Variants in UBASH3B observed in about 807,000 individuals in gnomAD.
The protein encoded by UBASH3B is ubiquitin-associated and SH3 domain-containing protein B.
Under a neutral mutation model 83.4 loss-of-function variants are expected in UBASH3B, and 37 were observed. The ratio of observed to expected loss-of-function variants is 0.44; its 90% CI spans 0.34 to 0.58. The LOEUF (loss-of-function observed/expected upper bound fraction) is 0.58. UBASH3B is among the 20% of genes least tolerant of loss of function. UBASH3B has a pLI of 0.01. For synonymous variants in UBASH3B, 304 were observed against 318.3 expected, an observed-to-expected ratio of 0.96 and a Z score of 0.48; for missense variants, 657 against 827.2, an observed-to-expected ratio of 0.79 and a Z score of 2.52.
At chr11:122,774,150 G>C (rs991100295) in intron 1 of UBASH3B, 2 of 985,276 alleles carry the variant, frequency 2.0e-6, no homozygotes, top group African/African-American at 3.5e-5. Context: ...TGAGCACCTT[G>C]TCAAAGTGTG....
At chr11:122,702,771 C>T (rs532777018) in intron 1 of UBASH3B, among the ~76,000 whole-genome samples, 8 of 152,050 alleles carry the variant, frequency 5.3e-5, no homozygotes, top group East Asian at 3.9e-4. Flanking sequence ...GTGATCCACC[C>T]GCCTCGGCCT....
At chr11:122,745,313 C>A (rs957253141) in intron 1 of UBASH3B, among the ~76,000 whole-genome samples, 1 of 152,222 alleles carries the variant, frequency 6.6e-6, no homozygotes, top group African/African-American at 2.4e-5. Context: ...ATTCCCAGTA[C>A]TTAGCACAGT....
intron 1 of UBASH3B, among the ~76,000 whole-genome samples, chr11:122,670,862 A>C (rs1863585065): frequency 6.6e-6 from 1 of 151,896 alleles, no homozygotes; most frequent in Non-Finnish European, 1.5e-5. Context: ...TCCTAGGTTC[A>C]AGCGATTCTC....
At chr11:122,695,887 A>G (rs1476358572) in intron 1 of UBASH3B, among the ~76,000 whole-genome samples, 1 of 152,226 alleles carries the variant, frequency 6.6e-6, no homozygotes, top group African/African-American at 2.4e-5. Context: ...GGAAGTTACT[A>G]AATAGTCACA....
At chr11:122,696,341 C>CTTTTTTTTTTTTT (rs10632310) in intron 1 of UBASH3B, among the ~76,000 whole-genome samples, 2 of 146,032 alleles carry the variant, frequency 1.4e-5, no homozygotes, top group Non-Finnish European at 3.0e-5. Flanking sequence ...TTTCTTTTTT[C>CTTTTTTTTTTTTT]TTTTTGTTTT....
chr11:122,707,089 A>G (rs1591778708), intron 1 of UBASH3B, among the ~76,000 whole-genome samples: 1 of 152,348 alleles, frequency 6.6e-6, no homozygotes, highest in East Asian at 1.9e-4. Flanking sequence ...GTAATTGATC[A>G]TGGGGATTTC....
chr11:122,742,336 C>A (rs927529615), intron 1 of UBASH3B, among the ~76,000 whole-genome samples: 4 of 152,220 alleles, frequency 2.6e-5, no homozygotes, highest in Non-Finnish European at 4.4e-5. Flanking sequence ...TCGTTTCAGT[C>A]TTGAAGATCT....
rs1555138107 is a variant in UBASH3B at position 122,705,453 on chromosome 11, A to AT, written c.161+49244dup. On this transcript the variant is annotated intron_variant, in intron 1 of 13. Coordinates refer to ENST00000284273, the MANE Select transcript of UBASH3B (RefSeq NM_032873.5). The stretch of plus-strand genomic sequence containing the variant: ...AGAGCCAGACTCTGTCTCGAAAAAC[A>AT]TAAAAAAAAAAAAAAAAAGAAAAAA... 4.1e-3 allele frequency among the ~76,000 whole-genome samples: 614 copies of AT among 148,628 alleles called. 5 individuals carry two copies. The highest frequency in any genetic ancestry group is 0.014 in the African/African-American group (573 of 40,658).
intron 1 of UBASH3B, among the ~76,000 whole-genome samples, chr11:122,662,267 C>T (rs1052027354): frequency 6.6e-6 from 1 of 151,928 alleles, no homozygotes; most frequent in Non-Finnish European, 1.5e-5. Context: ...AATCAGCTAA[C>T]CCTATTTAAA....
intron 1 of UBASH3B, among the ~76,000 whole-genome samples, chr11:122,703,795 C>T (rs149474246): frequency 6.6e-6 from 1 of 152,358 alleles, no homozygotes; most frequent in East Asian, 1.9e-4. Context: ...ACATGGCGCC[C>T]TGATACTGGT....
chr11:122,737,996 C>T (rs61910264), intron 1 of UBASH3B, among the ~76,000 whole-genome samples: 53,869 of 151,968 alleles, frequency 0.35, 10,613 homozygotes, highest in Middle Eastern at 0.5. Flanking sequence ...ACAAAGGAAA[C>T]TGAGAATAAG....
rs1432984292 is a variant in UBASH3B, at chr11:122,812,121, T to C, written c.*2235T>C. 6.6e-6 allele frequency: 1 copy of C among 152,222 alleles called. No homozygotes were observed. The highest frequency in any genetic ancestry group is 2.4e-5 in the African/African-American group (1 of 41,450). 9.4% of individuals were successfully genotyped at this position (152,222 alleles called of 1,614,324 possible). A position where few individuals can be genotyped will look rare whatever the true frequency, so the allele number is the denominator to read the frequency against. On this transcript the variant is annotated 3_prime_UTR_variant, in exon 14 of 14. Coordinates refer to ENST00000284273, the MANE Select transcript of UBASH3B (RefSeq NM_032873.5). ...CTGGGCTACAATCCATTGTTCTTAGTCCAATATGGACACTGCCTTAGGCAA... is the reference window on the plus strand; with the variant it reads ...CTGGGCTACAATCCATTGTTCTTAGCCCAATATGGACACTGCCTTAGGCAA...
At chr11:122,802,642 C>T (rs77216501) in intron 11 of UBASH3B, among the ~76,000 whole-genome samples, 1 of 152,050 alleles carries the variant, frequency 6.6e-6, no homozygotes, top group Non-Finnish European at 1.5e-5. Context: ...CCTCGGATAA[C>T]CCCATTAACT....
chr11:122,738,457 A>G (rs7126083), intron 1 of UBASH3B, among the ~76,000 whole-genome samples: 18,980 of 152,146 alleles, frequency 0.12, 3,462 homozygotes, highest in African/African-American at 0.4. Context: ...TTCAGTGGGA[A>G]TAAAGTAAAG....
chr11:122,775,179 T>C (rs917541847), intron 1 of UBASH3B, among the ~76,000 whole-genome samples: 3 of 152,218 alleles, frequency 2.0e-5, no homozygotes, highest in African/African-American at 4.8e-5. Flanking sequence ...GCTGAATAAA[T>C]GTAAGCATGA....
intron 4 of UBASH3B, among the ~76,000 whole-genome samples, chr11:122,780,362 C>T (rs1025094637): frequency 1.3e-5 from 2 of 152,126 alleles, no homozygotes; most frequent in Non-Finnish European, 2.9e-5. Flanking sequence ...GCAGGAGACA[C>T]GATGGAGGTG....
chr11:122,737,680 C>T (rs1860956614), intron 1 of UBASH3B, among the ~76,000 whole-genome samples: 1 of 151,976 alleles, frequency 6.6e-6, no homozygotes, highest in Non-Finnish European at 1.5e-5. Context: ...AGCCAAGAGA[C>T]TCTGGAGAGA....
chr11:122,730,853 C>T lies in UBASH3B; in HGVS notation c.162-45366C>T, dbSNP rs562432020. The stretch of plus-strand genomic sequence containing the variant: ...CAGGTGATCCGCCCGCCTCGGCCTC[C>T]CAAAGTCCTGGGATTACAGGCATGG... On this transcript the variant is annotated intron_variant, in intron 1 of 13. Coordinates refer to ENST00000284273, the MANE Select transcript of UBASH3B (RefSeq NM_032873.5). 7.9e-5 allele frequency among the ~76,000 whole-genome samples: 12 copies of T among 152,348 alleles called. No individual in the cohort carries two copies. In the East Asian group the frequency reaches 1.9e-3, roughly 24 times the overall value.
intron 1 of UBASH3B, among the ~76,000 whole-genome samples, chr11:122,767,419 C>T (rs1235398687): frequency 1.3e-5 from 2 of 151,948 alleles, no homozygotes; most frequent in Non-Finnish European, 2.9e-5. Context: ...CAAGCAAGTC[C>T]CCTCCCTCAG....
Sources: allele counts gnomAD v4.1 joint callset (sites outside exome capture counted in the v4.1 genomes callset), GRCh38; gene constraint gnomAD v4.1.1; transcripts MANE v1.5; gene names NCBI Gene and HGNC (gene_info 2026-07-23, HGNC 2026-07-21).